The following PDE1C variants were observed in gnomAD, a reference collection of about 807,000 sequenced individuals.
PDE1C encodes the protein phosphodiesterase 1C, also known as dual specificity calcium/calmodulin-dependent 3',5'-cyclic nucleotide phosphodiesterase 1C.
Under a neutral mutation model 93.1 loss-of-function variants are expected in PDE1C, and 62 were observed. The ratio of observed to expected loss-of-function variants is 0.67; its 90% CI spans 0.54 to 0.82. The LOEUF is 0.82. PDE1C is among the 40% of genes least tolerant of loss of function. The probability of loss-of-function intolerance (pLI) is 0.00; values close to 1 mark genes in which losing one functional copy is unlikely to be tolerated. For synonymous variants in PDE1C, 325 were observed against 310.1 expected (o/e 1.05, Z -0.50); for missense variants, 742 against 884.6 (o/e 0.84, Z 2.04).
rs115672035 is a variant in PDE1C, at chr7:32,218,592, T to C, written c.86-9053A>G. On this transcript the variant is annotated intron_variant, in intron 1 of 18. Coordinates refer to the PDE1C transcript ENST00000396193. ...TACTTTTTCTTTTAGTTTGGAAGAA[T>C]TTGAGTCATATGTAGAGGCTCAAGC... Among the ~76,000 whole-genome samples, 894 of 152,316 alleles carry C rather than the reference T, an allele frequency of 5.9e-3. 10 individuals are homozygous for C. The highest frequency in any genetic ancestry group is 0.02 in the African/African-American group (830 of 41,570).
chr7:32,099,203 C>A (rs1319862352), intron 3 of PDE1C, among the ~76,000 whole-genome samples: 1 of 151,960 alleles, frequency 6.6e-6, no homozygotes, highest in African/African-American at 2.4e-5. Flanking sequence ...AAGTAAAATA[C>A]ACTAAATAAG....
At chr7:31,823,309 G>A (rs1789230944) in intron 13 of PDE1C, 61 bp from the exon 14 acceptor site, 1 of 1,432,588 alleles carries the variant, frequency 7.0e-7, no homozygotes, top group African/African-American at 1.4e-5. Context: ...GTCTGCCAAT[G>A]AGCAAGCCCA....
chr7:31,858,136 CAGAAG>C (rs1794248787), intron 7 of PDE1C, among the ~76,000 whole-genome samples: 1 of 152,092 alleles, frequency 6.6e-6, no homozygotes, highest in Non-Finnish European at 1.5e-5. Context: ...CAGAAGCAGA[CAGAAG>C]AGAAAACAGA....
intron 1 of PDE1C, among the ~76,000 whole-genome samples, chr7:32,341,146 A>G (rs1216066789): frequency 6.6e-6 from 1 of 150,874 alleles, no homozygotes; most frequent in Non-Finnish European, 1.5e-5. Flanking sequence ...TTTTGCTGTC[A>G]ACCTAAAACT....
intron 1 of PDE1C, among the ~76,000 whole-genome samples, chr7:32,320,297 C>T (rs945201942): frequency 4.6e-5 from 7 of 152,022 alleles, no homozygotes; most frequent in African/African-American, 1.7e-4. Context: ...AGTCGATTTG[C>T]TTTATTGATG....
chr7:31,908,981 C>A (rs1434692616), intron 2 of PDE1C, among the ~76,000 whole-genome samples: 1 of 152,210 alleles, frequency 6.6e-6, no homozygotes, highest in Non-Finnish European at 1.5e-5. Context: ...ACAGCATCTT[C>A]AACCTTGCCT....
chr7:31,803,114 T>C (rs1276706960), intron 16 of PDE1C, among the ~76,000 whole-genome samples: 2 of 151,778 alleles, frequency 1.3e-5, no homozygotes, highest in Non-Finnish European at 2.9e-5. Flanking sequence ...TTTCTATTGC[T>C]ATCGTTTTGC....
At position 32,112,804 on chromosome 7, in the gene PDE1C, ATGTGTG is replaced by A. The variant is rs150245670; in HGVS notation, c.308+56975_308+56980del. Among the ~76,000 whole-genome samples the A allele has an allele frequency of 5.4e-4, 36 of 66,732 alleles. No homozygotes were observed. The East Asian group carries it at 5.6e-3, about 10-fold the overall frequency. The allele number at this position is 66,732 out of a possible 152,430, so 43.8% of individuals were successfully genotyped here. The stretch of plus-strand genomic sequence containing the variant: ...ACATATAAAACATATATATACATAT[ATGTGTG>A]TGTGTGTGTGTGTGTGTGTGTGTGT... On this transcript the variant is annotated intron_variant, in intron 3 of 18. Coordinates refer to the PDE1C transcript ENST00000396193.
chr7:31,904,974 C>T (rs1411760116), intron 2 of PDE1C, among the ~76,000 whole-genome samples: 1 of 151,978 alleles, frequency 6.6e-6, no homozygotes, highest in East Asian at 1.9e-4. Flanking sequence ...ATTGGCTGAA[C>T]ATACTTACTA....
intron 3 of PDE1C, among the ~76,000 whole-genome samples, chr7:32,159,558 A>G (rs1388339410): frequency 6.6e-6 from 1 of 152,210 alleles, no homozygotes; most frequent in Non-Finnish European, 1.5e-5. Context: ...TTCCCAGTGT[A>G]GAGTCCCATA....
At chr7:31,716,040 A>T in the PDE1C span, among the ~76,000 whole-genome samples, 1 of 152,166 alleles carries the variant, frequency 6.6e-6, no homozygotes, top group South Asian at 2.1e-4. Context: ...CTAAGGACCA[A>T]CTGCGTGCCT....
the PDE1C span, among the ~76,000 whole-genome samples, chr7:31,733,950 G>T: frequency 2.0e-5 from 3 of 152,276 alleles, no homozygotes; most frequent in East Asian, 5.8e-4. Flanking sequence ...GTTGCAGTGA[G>T]CCGAGATCAT....
At chr7:32,081,093 CGCCATGGAAACAG>C (rs547359071) in intron 3 of PDE1C, among the ~76,000 whole-genome samples, 6 of 152,200 alleles carry the variant, frequency 3.9e-5, no homozygotes, top group Non-Finnish European at 5.9e-5. Context: ...CTGCCAGTAC[CGCCATGGAAACAG>C]GTGGACTCTC....
rs10573498 is a variant in PDE1C at position 31,760,759 on chromosome 7, TACACACACACAC to T, written c.1961-7218_1961-7207del. Among the ~76,000 whole-genome samples the T allele has an allele frequency of 9.6e-4, 143 of 148,688 alleles. 1 individual carries two copies. The East Asian group carries it at 0.024, about 25-fold the overall frequency. ...ATAGACACTTTCTATCTGCAATGTG[TACACACACACAC>T]ACACACACACACACACACACACACC... On this transcript the variant is annotated intron_variant, in intron 17 of 17. Transcript: ENST00000396191.
intron 1 of PDE1C, among the ~76,000 whole-genome samples, chr7:32,372,204 C>T (rs901345057): frequency 5.9e-5 from 9 of 152,066 alleles, no homozygotes; most frequent in African/African-American, 1.7e-4. Context: ...CAGGCACCTG[C>T]CACCACACCT....
chr7:31,831,757 G>A (rs139358544), intron 11 of PDE1C, among the ~76,000 whole-genome samples: 39 of 152,144 alleles, frequency 2.6e-4, no homozygotes, highest in Non-Finnish European at 4.9e-4. Flanking sequence ...AGATGATGGA[G>A]AAGATGGAGG....
chr7:32,201,552 G>A (rs1805015388), intron 2 of PDE1C, among the ~76,000 whole-genome samples: 1 of 152,168 alleles, frequency 6.6e-6, no homozygotes. Flanking sequence ...GAGATGCTGA[G>A]GACAAGGGTG....
chr7:32,314,882 T>C (rs1783136229), intron 1 of PDE1C, among the ~76,000 whole-genome samples: 1 of 151,898 alleles, frequency 6.6e-6, no homozygotes, highest in Non-Finnish European at 1.5e-5. Context: ...GCTAAATTCA[T>C]CTAGAACTTT....
chr7:31,709,454 C>T, the PDE1C span, among the ~76,000 whole-genome samples: 13 of 152,170 alleles, frequency 8.5e-5, no homozygotes, highest in Admixed American at 3.9e-4. Flanking sequence ...TTTAAAGACA[C>T]CTTCAGAGTT....
Sources: gnomAD v4.1 joint callset for allele counts (sites outside exome capture counted in the v4.1 genomes callset) on GRCh38, gnomAD v4.1.1 for gene constraint, MANE v1.5 for transcripts, NCBI Gene and HGNC (gene_info 2026-07-23, HGNC 2026-07-21) for gene names.